The following SPIN1 variants were observed in gnomAD, a reference collection of about 807,000 sequenced individuals.
The protein encoded by SPIN1 is spindlin-1.
Under a neutral mutation model 26.0 loss-of-function variants are expected in SPIN1, and 3 were observed. The observed-to-expected ratio is 0.12, with a 90% CI of 0.05 to 0.30. The LOEUF is 0.30. Among genes scored for constraint, SPIN1 ranks in the 10% least tolerant of loss-of-function variants. SPIN1 has a pLI of 1.00. For synonymous variants in SPIN1, 101 were observed against 116.5 expected, an observed-to-expected ratio of 0.87 and a Z score of 0.86; for missense variants, 126 against 333.4, an observed-to-expected ratio of 0.38 and a Z score of 4.84.
At chr9:88,416,462 A>G (rs1220453181) in intron 1 of SPIN1, among the ~76,000 whole-genome samples, 1 of 152,070 alleles carries the variant, frequency 6.6e-6, no homozygotes, top group Non-Finnish European at 1.5e-5. Flanking sequence ...AACTGGAACT[A>G]CAGATGTATA....
At chr9:88,416,305 T>C (rs1048914374) in intron 1 of SPIN1, among the ~76,000 whole-genome samples, 10 of 152,136 alleles carry the variant, frequency 6.6e-5, no homozygotes, top group Non-Finnish European at 1.5e-5. Flanking sequence ...TAAACCATCC[T>C]TTCTTACCCT....
intron 2 of SPIN1, 40 bp downstream of exon 2, chr9:88,426,631 T>C (rs1244590584): frequency 6.5e-6 from 10 of 1,529,784 alleles, no homozygotes; most frequent in Admixed American, 1.9e-5. Context: ...ATATATACTT[T>C]AATATAATTC....
At chr9:88,443,409 A>T (rs1828180893) in intron 2 of SPIN1, among the ~76,000 whole-genome samples, 1 of 151,970 alleles carries the variant, frequency 6.6e-6, no homozygotes, top group Admixed American at 6.6e-5. Flanking sequence ...GCTTTTTTTG[A>T]TTGTTAGAAG....
Position 88,438,275 on chromosome 9 carries a change from T to C in SPIN1, c.53-10666T>C, listed in dbSNP as rs571418664. On this transcript the variant is annotated intron_variant, in intron 2 of 5. Coordinates refer to ENST00000375859, the MANE Select transcript of SPIN1 (RefSeq NM_006717.3). Reference sequence around the variant, plus strand: ...TTTCATTTTCACTTAGTTCAAAATATATTTAAATTTCTCTTGCAGTTTCTT... The same window carrying C: ...TTTCATTTTCACTTAGTTCAAAATACATTTAAATTTCTCTTGCAGTTTCTT... Among the ~76,000 whole-genome samples, 27 of 152,318 alleles carry C rather than the reference T, an allele frequency of 1.8e-4. 1 individual carries two copies. In the South Asian group the frequency reaches 2.3e-3, roughly 13 times the overall value.
At chr9:88,404,811 G>A (rs550412666) in intron 1 of SPIN1, among the ~76,000 whole-genome samples, 1 of 151,824 alleles carries the variant, frequency 6.6e-6, no homozygotes, top group East Asian at 2.0e-4. Flanking sequence ...AGCTACTCGG[G>A]AGGCTGAGGC....
chr9:88,455,144 C>T (rs763234891), intron 3 of SPIN1, among the ~76,000 whole-genome samples: 6 of 152,270 alleles, frequency 3.9e-5, no homozygotes, highest in South Asian at 2.1e-4. Flanking sequence ...AATTAGTATA[C>T]GCATTGCATT....
At chr9:88,461,063 A>G (rs1220059219) in intron 3 of SPIN1, among the ~76,000 whole-genome samples, 2 of 152,156 alleles carry the variant, frequency 1.3e-5, no homozygotes, top group Non-Finnish European at 2.9e-5. Context: ...TTCCAGACCC[A>G]TGTAAATGAG....
At chr9:88,422,124 T>C (rs1827680300) in intron 1 of SPIN1, among the ~76,000 whole-genome samples, 1 of 152,198 alleles carries the variant, frequency 6.6e-6, no homozygotes, top group African/African-American at 2.4e-5. Flanking sequence ...GTTACTTGTT[T>C]TGATACCGTA....
At chr9:88,457,195 G>A (rs1828489103) in intron 3 of SPIN1, among the ~76,000 whole-genome samples, 1 of 151,942 alleles carries the variant, frequency 6.6e-6, no homozygotes, top group Non-Finnish European at 1.5e-5. Context: ...TTCTTATGAG[G>A]GATAATTAAA....
chr9:88,475,486 AGTCTGTCTATTTCG>A lies in SPIN1; in HGVS notation c.*210_*223del. 2.3e-6 allele frequency: 1 copy of A among 427,778 alleles called. No individual in the cohort carries two copies. Among genetic ancestry groups the A allele is most frequent in the Non-Finnish European group, 4.1e-6 (1 of 246,678 alleles). 26.5% of individuals were successfully genotyped at this position (427,778 alleles called of 1,614,324 possible). A position where few individuals can be genotyped will look rare whatever the true frequency, so the allele number is the denominator to read the frequency against. On this transcript the variant is annotated 3_prime_UTR_variant, in exon 6 of 6. Coordinates refer to ENST00000375859, the MANE Select transcript of SPIN1 (RefSeq NM_006717.3). ...AGGAGAACCCCTTTCTTTTAAAAGA[AGTCTGTCTATTTCG>A]AGGGGAGTTACAGGCAAGTTTGGTA...
intron 2 of SPIN1, among the ~76,000 whole-genome samples, chr9:88,434,086 T>G: frequency 6.6e-6 from 1 of 152,078 alleles, no homozygotes; most frequent in East Asian, 1.9e-4. Flanking sequence ...AGATGAGGAT[T>G]GGTTTAGAAT....
At chr9:88,450,627 C>G (rs555442070) in intron 3 of SPIN1, among the ~76,000 whole-genome samples, 16 of 152,310 alleles carry the variant, frequency 1.1e-4, no homozygotes, top group African/African-American at 3.6e-4. Flanking sequence ...GAAAAAATCT[C>G]TCATCCTATA....
At chr9:88,438,757 CTT>C (rs1828058416) in intron 2 of SPIN1, among the ~76,000 whole-genome samples, 1 of 152,140 alleles carries the variant, frequency 6.6e-6, no homozygotes, top group Non-Finnish European at 1.5e-5. Context: ...ACATCTGAAA[CTT>C]TTTGAGTAAC....
chr9:88,405,360 C>T (rs183329395), intron 1 of SPIN1, among the ~76,000 whole-genome samples: 1 of 151,514 alleles, frequency 6.6e-6, no homozygotes, highest in African/African-American at 2.4e-5. Context: ...TCCCGAGTAG[C>T]TGGGATTACT....
At chr9:88,464,369 G>A (rs935278711) in intron 4 of SPIN1, among the ~76,000 whole-genome samples, 3 of 152,022 alleles carry the variant, frequency 2.0e-5, no homozygotes, top group Non-Finnish European at 2.9e-5. Flanking sequence ...GTTTTACGTC[G>A]GAAGCAATTG....
chr9:88,402,411 C>A (rs1424213263), intron 1 of SPIN1, among the ~76,000 whole-genome samples: 1 of 152,090 alleles, frequency 6.6e-6, no homozygotes, highest in Non-Finnish European at 1.5e-5. Flanking sequence ...AACATTAGAA[C>A]TTTCTAACTG....
chr9:88,475,580 C>G lies in SPIN1; in HGVS notation c.*303C>G, dbSNP rs375383937. The G allele has an allele frequency of 1.9e-3, 444 of 239,058 alleles. 12 individuals are homozygous for G. The South Asian group carries it at 0.03, about 16-fold the overall frequency. 14.8% of individuals were successfully genotyped at this position (239,058 alleles called of 1,614,324 possible). ...AATTGTAATAGATCTTAACCATTTTCCCCCTCACCCTAACTCTCTTATTCT... is the reference window on the plus strand; with the variant it reads ...AATTGTAATAGATCTTAACCATTTTGCCCCTCACCCTAACTCTCTTATTCT... On this transcript the variant is annotated 3_prime_UTR_variant, in exon 6 of 6. Coordinates refer to ENST00000375859, the MANE Select transcript of SPIN1 (RefSeq NM_006717.3).
chr9:88,460,952 G>A (rs1422706802), intron 3 of SPIN1, among the ~76,000 whole-genome samples: 2 of 152,200 alleles, frequency 1.3e-5, no homozygotes, highest in South Asian at 4.1e-4. Context: ...TCTACTTAAT[G>A]AGCCTGTTTT....
chr9:88,389,300 G>C (rs955959972), intron 1 of SPIN1: 3 of 152,236 alleles, frequency 2.0e-5, no homozygotes, highest in Non-Finnish European at 4.4e-5. Flanking sequence ...GGGTGTATTC[G>C]TCAAGGAATG....
Sources: gnomAD v4.1 joint callset for allele counts (sites outside exome capture counted in the v4.1 genomes callset) on GRCh38, gnomAD v4.1.1 for gene constraint, MANE v1.5 for transcripts, NCBI Gene and HGNC (gene_info 2026-07-23, HGNC 2026-07-21) for gene names.